Variants in ABCB5 observed in about 807,000 individuals in gnomAD.
The protein encoded by ABCB5 is ATP-binding cassette sub-family B member 5.
ABCB5 carries 155 observed loss-of-function variants against 144.2 expected under a neutral mutation model. The ratio of observed to expected loss-of-function variants is 1.08; its 90% CI spans 0.94 to 1.23. ABCB5 has a LOEUF of 1.23. Ranked by LOEUF, ABCB5 falls within the 50% of genes most tolerant of loss-of-function variation. The pLI, the probability that ABCB5 is intolerant of heterozygous loss-of-function variation, is 0.00. For missense variants in ABCB5, 1,830 were observed against 1,520.8 expected (o/e 1.20, Z -3.38); for synonymous variants, 610 against 528.6 (o/e 1.15, Z -2.11).
chr7:20,644,200 C>T (rs562027403), intron 7 of ABCB5, among the ~76,000 whole-genome samples: 3 of 152,044 alleles, frequency 2.0e-5, no homozygotes, highest in Admixed American at 1.3e-4. Context: ...ATCCTCCCAT[C>T]TCAGATCCCA....
chr7:20,685,666 T>C (rs1349440592), intron 15 of ABCB5, 30 bp from the exon 16 acceptor site: 4 of 1,550,928 alleles, frequency 2.6e-6, no homozygotes, highest in Admixed American at 2.1e-5. Context: ...GGCATTCTTA[T>C]AATGATAACC....
At chr7:20,639,624 C>T (rs963885437) in intron 5 of ABCB5, among the ~76,000 whole-genome samples, 2 of 152,160 alleles carry the variant, frequency 1.3e-5, no homozygotes, top group South Asian at 4.1e-4. Context: ...ATTAAATTGC[C>T]TTGGCACCTT....
intron 13 of ABCB5, among the ~76,000 whole-genome samples, chr7:20,656,561 T>C (rs534250879): frequency 6.0e-4 from 92 of 152,318 alleles, no homozygotes; most frequent in African/African-American, 2.1e-3. Flanking sequence ...GATAATGAGA[T>C]ACCATTTTAC....
At chr7:20,630,519 C>T (rs974607019) in intron 4 of ABCB5, among the ~76,000 whole-genome samples, 3 of 152,024 alleles carry the variant, frequency 2.0e-5, no homozygotes, top group Non-Finnish European at 4.4e-5. Context: ...CCTGCTTAAA[C>T]AGTTATGATT....
At chr7:20,715,972 G>T (rs906757285) in intron 20 of ABCB5, among the ~76,000 whole-genome samples, 1 of 151,672 alleles carries the variant, frequency 6.6e-6, no homozygotes, top group Non-Finnish European at 1.5e-5. Context: ...CTCCCACCTC[G>T]GCCTGTAATC....
chr7:20,636,899 C>T (rs1417686353), intron 5 of ABCB5, among the ~76,000 whole-genome samples: 1 of 150,648 alleles, frequency 6.6e-6, no homozygotes, highest in Non-Finnish European at 1.5e-5. Context: ...ATTTGAGATA[C>T]ATATTAAAGA....
At chr7:20,669,949 CTT>C (rs1215842018) in intron 14 of ABCB5, among the ~76,000 whole-genome samples, 4 of 152,142 alleles carry the variant, frequency 2.6e-5, no homozygotes, top group Non-Finnish European at 4.4e-5. Flanking sequence ...AGAATTCAAA[CTT>C]GAAGTGTGAA....
chr7:20,678,742 T>A (rs1785690730), intron 14 of ABCB5, among the ~76,000 whole-genome samples: 1 of 152,224 alleles, frequency 6.6e-6, no homozygotes, highest in Non-Finnish European at 1.5e-5. Flanking sequence ...TTTAAGTCTT[T>A]AGTAGTTAAG....
At chr7:20,633,111 T>C (rs6945713) in intron 5 of ABCB5, among the ~76,000 whole-genome samples, 36,750 of 151,668 alleles carry the variant, frequency 0.24, 5,236 homozygotes, top group African/African-American at 0.4. Context: ...AACATAAAAA[T>C]AGTAAGGTTT....
chr7:20,629,145 C>CGTGTGTGTGTGTGTGTGTGTGT lies in ABCB5; in HGVS notation c.259+326_259+347dup, dbSNP rs149986314. On this transcript the variant is annotated intron_variant, in intron 4 of 27. Coordinates refer to ENST00000404938, the MANE Select transcript of ABCB5 (RefSeq NM_001163941.2). ...TAGAAACAAAGAGAGAGAGAGACTG[C>CGTGTGTGTGTGTGTGTGTGTGT]GTGTGTGTGTGTGTGTGTGTGTGTG... 9.3e-4 allele frequency among the ~76,000 whole-genome samples: 126 copies of CGTGTGTGTGTGTGTGTGTGTGT among 135,154 alleles called. 1 individual carries two copies. Among genetic ancestry groups the CGTGTGTGTGTGTGTGTGTGTGT allele is most frequent in the African/African-American group, 2.5e-3 (88 of 35,756 alleles). The allele number at this position is 135,154 out of a possible 152,430, so 88.7% of individuals were successfully genotyped here.
chr7:20,718,144 C>A (rs1432455609), intron 20 of ABCB5, among the ~76,000 whole-genome samples: 1 of 151,502 alleles, frequency 6.6e-6, no homozygotes, highest in Non-Finnish European at 1.5e-5. Flanking sequence ...CTCCGGACCT[C>A]GTGACCAGCC....
intron 5 of ABCB5, among the ~76,000 whole-genome samples, chr7:20,633,880 T>G (rs939598895): frequency 6.6e-6 from 1 of 152,132 alleles, no homozygotes; most frequent in Admixed American, 6.6e-5. Context: ...TATAATTTTG[T>G]TTATAGATTT....
At chr7:20,734,399 G>A (rs1429775400) in intron 23 of ABCB5, among the ~76,000 whole-genome samples, 15 of 150,356 alleles carry the variant, frequency 1.0e-4, no homozygotes, top group Admixed American at 2.0e-4. Flanking sequence ...TAAAACTGTA[G>A]ATACCTAGAT....
chr7:20,746,005 A>G (rs542600476), intron 26 of ABCB5, among the ~76,000 whole-genome samples: 5 of 152,322 alleles, frequency 3.3e-5, no homozygotes, highest in African/African-American at 1.2e-4. Flanking sequence ...CTGTCTCAAG[A>G]ACATGCCAAC....
intron 26 of ABCB5, among the ~76,000 whole-genome samples, chr7:20,745,758 C>A (rs1394987539): frequency 6.6e-6 from 1 of 152,246 alleles, no homozygotes; most frequent in Non-Finnish European, 1.5e-5. Context: ...CATCTGCCTT[C>A]CAGTCTTGCT....
At chr7:20,629,677 G>C (rs746261040) in intron 4 of ABCB5, among the ~76,000 whole-genome samples, 1 of 152,176 alleles carries the variant, frequency 6.6e-6, no homozygotes, top group Non-Finnish European at 1.5e-5. Context: ...CAGGAGAATT[G>C]TTTGAACCCA....
rs937193601 is a variant in ABCB5 at position 20,739,130 on chromosome 7, G to C, written c.3015G>C (p.Gly1005=). Residue 1005 remains glycine, a synonymous_variant, in exon 24 of 28, where the codon GGG becomes GGC. Transcript: ENST00000404938. ...KPNIDSRSQE[G]KKPDTCEGNL... The stretch of plus-strand genomic sequence containing the variant: ...ATATAGACAGCCGCAGTCAAGAAGG[G>C]AAAAAGCCAGTAAGCACAACTGTGA... The C allele has an allele frequency of 8.8e-6, 14 of 1,599,026 alleles. No homozygotes were observed. Among genetic ancestry groups the C allele is most frequent in the Admixed American group, 1.7e-5 (1 of 57,402 alleles).
Position 20,645,957 on chromosome 7 carries a change from T to C in ABCB5, c.804-4T>C. On this transcript the variant is annotated splice_polypyrimidine_tract_variant and splice_region_variant and intron_variant, in intron 8 of 27. Coordinates refer to ENST00000404938, the MANE Select transcript of ABCB5 (RefSeq NM_001163941.2). ...GCTACTAAGTTGTGTTCTGTTTTTG[T>C]AAGGTATACACAGAATCTCAAAGAT... The C allele has an allele frequency of 6.2e-7, 1 of 1,612,616 alleles. No homozygotes were observed. The highest frequency in any genetic ancestry group is 1.1e-5 in the South Asian group (1 of 90,804).
chr7:20,715,417 G>A (rs557799990), intron 20 of ABCB5, among the ~76,000 whole-genome samples: 4 of 151,600 alleles, frequency 2.6e-5, no homozygotes, highest in South Asian at 2.1e-4. Context: ...GTGTGTGTGC[G>A]TGTGTGTGTG....
Sources: allele counts gnomAD v4.1 joint callset (sites outside exome capture counted in the v4.1 genomes callset), GRCh38; gene constraint gnomAD v4.1.1; transcripts MANE v1.5; gene names NCBI Gene and HGNC (gene_info 2026-07-23, HGNC 2026-07-21).